Variants in PRDM8 observed in about 807,000 individuals in gnomAD.
The protein encoded by PRDM8 is PR/SET domain 8.
In PRDM8, 13 loss-of-function variants were observed where a neutral mutation model predicts 46.5. That is an observed-to-expected ratio of 0.28 (90% CI 0.18 to 0.44). The LOEUF is 0.44. Ranked by LOEUF, PRDM8 falls within the 20% of genes least tolerant of loss-of-function variation. PRDM8 has a pLI of 1.00. For missense variants in PRDM8, 998 were observed against 955.0 expected, an observed-to-expected ratio of 1.04 and a Z score of -0.59; for synonymous variants, 473 against 438.4, an observed-to-expected ratio of 1.08 and a Z score of -0.98.
Position 80,202,204 on chromosome 4 carries a change from G to A in PRDM8, c.742G>A (p.Ala248Thr), listed in dbSNP as rs750455114. 1.2e-6 allele frequency: 2 copies of A among 1,611,824 alleles called. No individual in the cohort carries two copies. Among genetic ancestry groups the A allele is most frequent in the Admixed American group, 3.3e-5 (2 of 59,972 alleles). Residue 248 changes from alanine (A) to threonine (T), a missense_variant, in exon 4 of 4, where the codon GCT (alanine) becomes ACT (threonine). Ala to Thr is a moderately conservative substitution (Grantham distance 58). Transcript: ENST00000415738. Reference protein sequence around the residue: ...SPSPESSNPSAAAGGSSAKPS... With the variant: ...SPSPESSNPSTAAGGSSAKPS... ...CTCCCCGGAAAGCAGCAACCCATCC[G>A]CTGCCGCCGGCGGCAGCAGCGCGAA...
chr4:80,185,959 G>T (rs1361832732), intron 1 of PRDM8, among the ~76,000 whole-genome samples: 1 of 152,216 alleles, frequency 6.6e-6, no homozygotes, highest in African/African-American at 2.4e-5. Flanking sequence ...ATGGGTGGGC[G>T]CTGTCCACCG....
intron 1 of PRDM8, among the ~76,000 whole-genome samples, chr4:80,186,458 T>TGAGAGAGAGA (rs1553902913): frequency 3.4e-5 from 1 of 29,850 alleles, no homozygotes; most frequent in Non-Finnish European, 7.9e-5. Context: ...AGAGAGAGAT[T>TGAGAGAGAGA]GATTGTCAAG....
chr4:80,203,746 C>CA lies in PRDM8; in HGVS notation c.*214_*215insA, dbSNP rs149511008. On this transcript the variant is annotated 3_prime_UTR_variant, in exon 4 of 4. Coordinates refer to ENST00000415738, the MANE Select transcript of PRDM8 (RefSeq NM_001099403.2). The stretch of plus-strand genomic sequence containing the variant: ...ATTTACCCGGGACACACACCCCCCC[C>CA]CACACACACACACAGACACACTCAC... 61,274 of 451,534 alleles carry CA rather than the reference C, an allele frequency of 0.14. 4,772 individuals carry two copies. Among genetic ancestry groups the CA allele is most frequent in the Non-Finnish European group, 0.16 (41,815 of 254,064 alleles). The allele number at this position is 451,534 out of a possible 1,614,324, so 28.0% of individuals were successfully genotyped here. A position where few individuals can be genotyped will look rare whatever the true frequency, so the allele number is the denominator to read the frequency against.
At chr4:80,196,720 A>G (rs1251381039), upstream of PRDM8, 16 of 903,806 alleles carry the variant, frequency 1.8e-5, no homozygotes, top group African/African-American at 1.1e-4. Flanking sequence ...GAGGGGGGGA[A>G]AAACCCCACG....
At chr4:80,193,393 G>C (rs1017794387), upstream of PRDM8, among the ~76,000 whole-genome samples, 1 of 151,598 alleles carries the variant, frequency 6.6e-6, no homozygotes, top group African/African-American at 2.4e-5. Context: ...GGCTCTTCTC[G>C]ACTCACCAAA....
chr4:80,195,928 C>CACACACACACACAGAGAGAG (rs373592223), upstream of PRDM8: 4 of 139,878 alleles, frequency 2.9e-5, no homozygotes, highest in African/African-American at 1.2e-4. Context: ...CACACACACA[C>CACACACACACACAGAGAGAG]AGAGAGAGAG....
intron 1 of PRDM8, among the ~76,000 whole-genome samples, chr4:80,188,734 C>T (rs548147966): frequency 1.3e-5 from 2 of 152,204 alleles, no homozygotes; most frequent in East Asian, 3.9e-4. Context: ...TAACTTGAGA[C>T]GGTGCGCGTG....
At chr4:80,199,352 C>T (rs1229408110) in intron 1 of PRDM8, among the ~76,000 whole-genome samples, 4 of 151,776 alleles carry the variant, frequency 2.6e-5, no homozygotes, top group East Asian at 1.9e-4. Context: ...TAAATAAGCA[C>T]GTCCAGAAAA....
chr4:80,198,994 G>GTTTTTTTTTTTTTTTTTTTTTTTT (rs1310531623), intron 1 of PRDM8, among the ~76,000 whole-genome samples: 3 of 63,506 alleles, frequency 4.7e-5, no homozygotes, highest in Non-Finnish European at 7.2e-5. Flanking sequence ...TTTTTTTTTT[G>GTTTTTTTTTTTTTTTTTTTTTTTT]TTTTTTTTTT....
chr4:80,201,468 A>C lies in PRDM8; in HGVS notation c.398A>C (p.Glu133Ala). Reference protein sequence around the residue: ...DEELLVWYGKELTELLLLCPS... With the variant: ...DEELLVWYGKALTELLLLCPS... ...GAGTTACTAGTTTGGTACGGGAAAG[A>C]ACTGACTGAGTTACTCTTGCTCTGC... Residue 133 changes from glutamate to alanine, a missense_variant, in exon 3 of 4, where the codon GAA becomes GCA. Glu to Ala is a moderately radical substitution (Grantham distance 107). Coordinates refer to ENST00000415738, the MANE Select transcript of PRDM8 (RefSeq NM_001099403.2). 3 of 1,614,192 alleles carry C rather than the reference A, an allele frequency of 1.9e-6. No individual in the cohort carries two copies. The highest frequency in any genetic ancestry group is 2.5e-6 in the Non-Finnish European group (3 of 1,180,018).
chr4:80,201,633 CAT>C (rs921154013), intron 3 of PRDM8, 112 bp downstream of exon 3: 3 of 1,118,142 alleles, frequency 2.7e-6, no homozygotes, highest in South Asian at 2.9e-5. Context: ...TCGGGTGTCT[CAT>C]AGGAAGATTC....
chr4:80,200,310 A>G lies in PRDM8; in HGVS notation c.219+11A>G. On this transcript the variant is annotated intron_variant, in intron 2 of 3. Transcript: ENST00000415738. ...CCGTATATCTTTCGGGTAAGTCTCC[A>G]CTGTAGCTGTGTAGGTGTATGAGGG... 1.9e-6 allele frequency: 3 copies of G among 1,595,388 alleles called. No individual in the cohort carries two copies. The highest frequency in any genetic ancestry group is 2.6e-6 in the Non-Finnish European group (3 of 1,163,358).
intron 1 of PRDM8, among the ~76,000 whole-genome samples, chr4:80,199,653 A>G (rs74789146): frequency 0.017 from 2,608 of 151,660 alleles, 68 homozygotes; most frequent in African/African-American, 0.059. Flanking sequence ...AGTTTCTTTC[A>G]GTAAGGGAAG....
chr4:80,199,138 C>T (rs1221200996), intron 1 of PRDM8, among the ~76,000 whole-genome samples: 1 of 151,772 alleles, frequency 6.6e-6, no homozygotes, highest in Non-Finnish European at 1.5e-5. Context: ...GGGGAGCCCA[C>T]TGAGGAGTGC....
chr4:80,200,130 C>G lies in PRDM8; in HGVS notation c.50C>G (p.Ala17Gly). 6.2e-7 allele frequency: 1 copy of G among 1,614,110 alleles called. No homozygotes were observed. Among genetic ancestry groups the G allele is most frequent in the South Asian group, 1.1e-5 (1 of 91,086 alleles). ...GGCATCTGGGATGGAGATGCCAAGG[C>G]TGTCCAACAATGTCTGACAGATATT... Reference protein sequence around the residue: ...QRGIWDGDAKAVQQCLTDIFT... With the variant: ...QRGIWDGDAKGVQQCLTDIFT... Residue 17 changes from alanine to glycine, a missense_variant, in exon 2 of 4, where the codon GCT becomes GGT. Coordinates refer to ENST00000415738, the MANE Select transcript of PRDM8 (RefSeq NM_001099403.2).
At chr4:80,186,785 C>T (rs1737128504) in intron 1 of PRDM8, among the ~76,000 whole-genome samples, 1 of 152,190 alleles carries the variant, frequency 6.6e-6, no homozygotes, top group African/African-American at 2.4e-5. Context: ...ATTGTTGTAT[C>T]AATATAATGC....
intron 2 of PRDM8, 104 bp from the exon 3 acceptor site, chr4:80,201,186 G>A (rs1241312608): frequency 2.6e-6 from 3 of 1,142,262 alleles, no homozygotes; most frequent in Non-Finnish European, 2.5e-6. Context: ...TTTTGGAAAA[G>A]ACTAACATAG....
chr4:80,198,000 G>A (rs940701221), intron 1 of PRDM8, among the ~76,000 whole-genome samples: 4 of 152,220 alleles, frequency 2.6e-5, no homozygotes, highest in African/African-American at 9.6e-5. Flanking sequence ...CTAGAGGGAC[G>A]GGCCAGTGGC....
chr4:80,203,633 C>T lies in PRDM8; in HGVS notation c.*101C>T. The T allele has an allele frequency of 6.8e-7, 1 of 1,463,962 alleles. No individual in the cohort carries two copies. Among genetic ancestry groups the T allele is most frequent in the Non-Finnish European group, 9.0e-7 (1 of 1,107,894 alleles). 90.7% of individuals were successfully genotyped at this position (1,463,962 alleles called of 1,614,324 possible). A position where few individuals can be genotyped will look rare whatever the true frequency, so the allele number is the denominator to read the frequency against. ...TCCACCGCTTCCTTGCACCCCGAAA[C>T]CCTGCACAAAGACACATACATTCAC... is the stretch of plus-strand genomic sequence containing the variant. On this transcript the variant is annotated 3_prime_UTR_variant, in exon 4 of 4. Transcript: ENST00000415738.
Sources: gnomAD v4.1 joint callset for allele counts (sites outside exome capture counted in the v4.1 genomes callset) on GRCh38, gnomAD v4.1.1 for gene constraint, MANE v1.5 for transcripts, NCBI Gene and HGNC (gene_info 2026-07-23, HGNC 2026-07-21) for gene names.